SMCHD1: variants seen among roughly 807,000 people sequenced by gnomAD.
SMCHD1 encodes the protein structural maintenance of chromosomes flexible hinge domain-containing protein 1.
SMCHD1 carries 78 observed loss-of-function variants against 254.7 expected under a neutral mutation model. That is an observed-to-expected ratio of 0.31 (90% CI 0.26 to 0.37). SMCHD1 has a LOEUF of 0.37. Among genes scored for constraint, SMCHD1 ranks in the 10% least tolerant of loss-of-function variants. SMCHD1 has a pLI of 1.00. For missense variants in SMCHD1, 1,840 were observed against 2,408.1 expected, an observed-to-expected ratio of 0.76 and a Z score of 4.94; for synonymous variants, 766 against 794.9, an observed-to-expected ratio of 0.96 and a Z score of 0.61.
chr18:2,663,999 G>A (rs1017384175), intron 1 of SMCHD1, among the ~76,000 whole-genome samples: 3 of 152,118 alleles, frequency 2.0e-5, no homozygotes, highest in Non-Finnish European at 2.9e-5. Context: ...ACAGGTTTGA[G>A]CCACCGCGCC....
chr18:2,688,808 AC>A (rs2074109130), intron 7 of SMCHD1, 61 bp downstream of exon 7: 2 of 964,810 alleles, frequency 2.1e-6, no homozygotes. Flanking sequence ...GTGGGACAGA[AC>A]TTAACTTGAA....
chr18:2,690,240 A>C (rs1054587127), intron 7 of SMCHD1, among the ~76,000 whole-genome samples: 37 of 152,322 alleles, frequency 2.4e-4, no homozygotes, highest in African/African-American at 8.7e-4. Context: ...TAACATGTTG[A>C]GTATTTCCCC....
chr18:2,784,303 T>C, intron 44 of SMCHD1, 147 bp from the exon 45 acceptor site: 1 of 628,038 alleles, frequency 1.6e-6, no homozygotes, highest in Non-Finnish European at 2.6e-6. Flanking sequence ...TCCCTCCAGT[T>C]TATCTTACAT....
chr18:2,802,069 T>C (rs1180464291), intron 47 of SMCHD1, among the ~76,000 whole-genome samples: 1 of 152,162 alleles, frequency 6.6e-6, no homozygotes, highest in Non-Finnish European at 1.5e-5. Flanking sequence ...ATTTTTAAAA[T>C]CTGTAGCTAT....
chr18:2,757,778 C>A (rs2075708859), intron 34 of SMCHD1, among the ~76,000 whole-genome samples: 1 of 151,812 alleles, frequency 6.6e-6, no homozygotes, highest in African/African-American at 2.4e-5. Flanking sequence ...TGTAGTAAAT[C>A]TCCAAGTATG....
intron 28 of SMCHD1, among the ~76,000 whole-genome samples, chr18:2,743,406 CAG>C (rs35995172): frequency 0.3 from 45,113 of 151,756 alleles, 6,872 homozygotes; most frequent in East Asian, 0.5. Context: ...TAAAGACAAA[CAG>C]TGTGTATATC....
Position 2,703,858 on chromosome 18 carries a change from A to G in SMCHD1, c.1814A>G (p.Asp605Gly). The G allele has an allele frequency of 6.2e-7, 1 of 1,608,764 alleles. No individual in the cohort carries two copies. Among genetic ancestry groups the G allele is most frequent in the Non-Finnish European group, 8.5e-7 (1 of 1,178,018 alleles). Reference protein sequence around the residue: ...PWATYAAIEWDGKIYKAGQLV... With the variant: ...PWATYAAIEWGGKIYKAGQLV... Reference sequence around the variant, plus strand: ...GCAACATATGCAGCAATAGAATGGGATGGAAAGATATACAAAGCAGGACAG... The same window carrying G: ...GCAACATATGCAGCAATAGAATGGGGTGGAAAGATATACAAAGCAGGACAG... The change falls in exon 13 of 48, where the codon GAT (aspartate) becomes GGT (glycine). Residue 605 changes from aspartate (D) to glycine (G), a missense_variant. Physicochemically the swap from Asp to Gly is moderately conservative, Grantham distance 94. Transcript: ENST00000320876.
chr18:2,773,579 A>C (rs1001028042), intron 41 of SMCHD1, among the ~76,000 whole-genome samples: 1 of 152,150 alleles, frequency 6.6e-6, no homozygotes, highest in African/African-American at 2.4e-5. Flanking sequence ...TGTCATCCTT[A>C]GTCTTTTCCC....
chr18:2,751,387 A>G lies in SMCHD1; in HGVS notation c.4275A>G (p.Pro1425=), dbSNP rs1183606832. 6.5e-7 allele frequency: 1 copy of G among 1,547,420 alleles called. No individual in the cohort carries two copies. Among genetic ancestry groups the G allele is most frequent in the East Asian group, 2.5e-5 (1 of 40,788 alleles). The change falls in exon 33 of 48, where the codon CCA becomes CCG. Residue 1425 remains proline, a synonymous_variant. Coordinates refer to ENST00000320876, the MANE Select transcript of SMCHD1 (RefSeq NM_015295.3). ...TGTCTACCAGTGGGAACCGACCCCCAGCAAATGTGAGTCATGGGAAGCATT... is the reference window on the plus strand; with the variant it reads ...TGTCTACCAGTGGGAACCGACCCCCGGCAAATGTGAGTCATGGGAAGCATT... ...WKLSTSGNRP[P]ANAETFSCNK...
At chr18:2,675,693 AGAAGTATTAGGTG>A (rs912197922) in intron 5 of SMCHD1, among the ~76,000 whole-genome samples, 1 of 152,212 alleles carries the variant, frequency 6.6e-6, no homozygotes, top group Non-Finnish European at 1.5e-5. Flanking sequence ...AGCATATCAC[AGAAGTATTAGGTG>A]GAAGGGAAGG....
chr18:2,764,638 C>T (rs1248148690), intron 37 of SMCHD1, among the ~76,000 whole-genome samples: 2 of 152,122 alleles, frequency 1.3e-5, no homozygotes, highest in Admixed American at 1.3e-4. Flanking sequence ...TTTTTCTTGT[C>T]AGTATTCCAT....
At chr18:2,688,018 C>T (rs1343551074) in intron 5 of SMCHD1, among the ~76,000 whole-genome samples, 1 of 152,188 alleles carries the variant, frequency 6.6e-6, no homozygotes, top group East Asian at 1.9e-4. Flanking sequence ...CTCCTTTGCT[C>T]TAATTACCAT....
intron 10 of SMCHD1, among the ~76,000 whole-genome samples, chr18:2,699,006 A>G (rs2074343010): frequency 6.6e-6 from 1 of 152,226 alleles, no homozygotes; most frequent in South Asian, 2.1e-4. Flanking sequence ...CACTTGAAGT[A>G]ATTCTAGTGA....
At chr18:2,658,940 A>G (rs531295639) in intron 1 of SMCHD1, among the ~76,000 whole-genome samples, 7 of 144,874 alleles carry the variant, frequency 4.8e-5, no homozygotes, top group South Asian at 2.3e-4. Context: ...ATATACACAT[A>G]TATATACACA....
chr18:2,736,172 C>G (rs2075245619), intron 25 of SMCHD1, among the ~76,000 whole-genome samples: 1 of 152,140 alleles, frequency 6.6e-6, no homozygotes, highest in South Asian at 2.1e-4. Flanking sequence ...ACTCCCTATT[C>G]AATAAATGGT....
intron 45 of SMCHD1, among the ~76,000 whole-genome samples, chr18:2,792,553 A>G (rs1232847650): frequency 6.6e-6 from 1 of 152,224 alleles, no homozygotes; most frequent in Non-Finnish European, 1.5e-5. Context: ...GGGTCTTGGA[A>G]CATGTCCCAT....
chr18:2,783,441 C>T (rs2076190210), intron 44 of SMCHD1, among the ~76,000 whole-genome samples: 1 of 152,064 alleles, frequency 6.6e-6, no homozygotes, highest in African/African-American at 2.4e-5. Flanking sequence ...ATTTGAATTC[C>T]ACGTCTCTGG....
At chr18:2,755,831 T>C (rs1194089760) in intron 34 of SMCHD1, among the ~76,000 whole-genome samples, 1 of 152,200 alleles carries the variant, frequency 6.6e-6, no homozygotes, top group East Asian at 1.9e-4. Context: ...CCTCCCAAAG[T>C]GCTGGGATTA....
chr18:2,708,915 T>TAC (rs1568199419), intron 17 of SMCHD1, among the ~76,000 whole-genome samples: 7 of 90,446 alleles, frequency 7.7e-5, no homozygotes, highest in South Asian at 4.3e-4. Flanking sequence ...TATAACATAT[T>TAC]AACATGAAAT....
Sources: gnomAD v4.1 joint callset for allele counts (sites outside exome capture counted in the v4.1 genomes callset) on GRCh38, gnomAD v4.1.1 for gene constraint, MANE v1.5 for transcripts, NCBI Gene and HGNC (gene_info 2026-07-23, HGNC 2026-07-21) for gene names.